CARD16: variants seen among roughly 807,000 people sequenced by gnomAD.
CARD16 encodes caspase recruitment domain-containing protein 16.
Under a neutral mutation model 11.9 loss-of-function variants are expected in CARD16, and 8 were observed. That is an observed-to-expected ratio of 0.67 (90% CI 0.39 to 1.21). The LOEUF (loss-of-function observed/expected upper bound fraction) is 1.21. Among genes scored for constraint, CARD16 ranks in the 50% most tolerant of loss-of-function variants. The pLI is 0.01. For synonymous variants in CARD16, 44 were observed against 43.8 expected, an observed-to-expected ratio of 1.00 and a Z score of -0.02; for missense variants, 131 against 118.1, an observed-to-expected ratio of 1.11 and a Z score of -0.51.
chr11:105,044,995 T>C (rs529678770), intron 1 of CARD16: 3 of 599,224 alleles, frequency 5.0e-6, no homozygotes, highest in Non-Finnish European at 8.8e-6. Flanking sequence ...CTGCTAGTAC[T>C]CCTCCTGTGC....
At chr11:105,042,359 A>G (rs1345831212) in intron 3 of CARD16, among the ~76,000 whole-genome samples, 3 of 152,210 alleles carry the variant, frequency 2.0e-5, no homozygotes, top group Non-Finnish European at 4.4e-5. Context: ...TTTCACGAAC[A>G]TATGAGGAAA....
chr11:105,042,220 C>T (rs1206727250), intron 3 of CARD16, among the ~76,000 whole-genome samples: 1 of 152,040 alleles, frequency 6.6e-6, no homozygotes, highest in Admixed American at 6.6e-5. Flanking sequence ...CCTTCAGCAT[C>T]TCCTCCTACA....
At chr11:105,044,093 C>G in intron 2 of CARD16, 1 of 483,542 alleles carries the variant, frequency 2.1e-6, no homozygotes, top group Non-Finnish European at 3.7e-6. Context: ...AAATATCGTG[C>G]CTTGCCAGGA....
chr11:105,041,564 A>T lies in CARD16; in HGVS notation c.*199T>A. The T allele has an allele frequency of 6.2e-7, 1 of 1,614,086 alleles. No homozygotes were observed. The highest frequency in any genetic ancestry group is 1.7e-4 in the Middle Eastern group (1 of 6,058). On this transcript the variant is annotated 3_prime_UTR_variant, in exon 4 of 4. Transcript: ENST00000673097. ...TGCATTTCAAAACTGCCTGAAGTAT[A>T]TCTTTCACTCCACTTTATTATTGTA...
Position 105,041,629 on chromosome 11 carries a change from CT to C in CARD16, c.*133del, listed in dbSNP as rs1565232387. 2 of 1,614,006 alleles carry C rather than the reference CT, an allele frequency of 1.2e-6. No individual in the cohort carries two copies. Among genetic ancestry groups the C allele is most frequent in the Non-Finnish European group, 1.7e-6 (2 of 1,179,944 alleles). ...CCTCTGCAACTTTTGTTTCCATATCCTTTGAGCGTCTTCTAGAAAGCAAAGC... is the reference window on the plus strand; with the variant it reads ...CCTCTGCAACTTTTGTTTCCATATCCTTGAGCGTCTTCTAGAAAGCAAAGC... On this transcript the variant is annotated 3_prime_UTR_variant, in exon 4 of 4. Coordinates refer to ENST00000673097, the MANE Select transcript of CARD16 (RefSeq NM_052889.4).
chr11:105,045,332 A>T lies in CARD16; in HGVS notation c.-35T>A. ...CTCCTACCCTTCTTGTGTGGGCTGA[A>T]ACTGAAAGTATGTTTCGCCTTCCTT... On this transcript the variant is annotated 5_prime_UTR_variant, in exon 1 of 4. Transcript: ENST00000673097. 1 of 1,613,942 alleles carries T rather than the reference A, an allele frequency of 6.2e-7. No homozygotes were observed. Among genetic ancestry groups the T allele is most frequent in the South Asian group, 1.1e-5 (1 of 91,084 alleles).
intron 1 of CARD16, chr11:105,045,075 AG>A: frequency 1.5e-6 from 1 of 663,422 alleles, no homozygotes; most frequent in Non-Finnish European, 2.6e-6. Context: ...AAATGACAGC[AG>A]GCTACCCCTA....
At chr11:105,043,415 C>A in intron 3 of CARD16, 68 bp downstream of exon 3, 1 of 1,088,940 alleles carries the variant, frequency 9.2e-7, no homozygotes, top group South Asian at 1.3e-5. Flanking sequence ...AAGCAGAGCT[C>A]ATTCCACTAA....
At chr11:105,043,844 A>C in intron 2 of CARD16, 1 of 335,098 alleles carries the variant, frequency 3.0e-6, no homozygotes. Flanking sequence ...TCTTACTCAA[A>C]AGAAAATGCA....
Position 105,043,509 on chromosome 11 carries a change from G to A in CARD16, c.*17C>T. On this transcript the variant is annotated 3_prime_UTR_variant, in exon 3 of 4. Transcript: ENST00000673097. ...TGGGAAGGAAGAAAATAGTAATTGG[G>A]AGTCTTGTGTACTAAGCTAATTTCC... The A allele has an allele frequency of 1.2e-6, 2 of 1,609,980 alleles. No individual in the cohort carries two copies. Among genetic ancestry groups the A allele is most frequent in the Non-Finnish European group, 8.5e-7 (1 of 1,177,146 alleles).
At chr11:105,043,461 C>G in intron 3 of CARD16, 22 bp downstream of exon 3, 1 of 1,554,884 alleles carries the variant, frequency 6.4e-7, no homozygotes, top group Non-Finnish European at 8.9e-7. Flanking sequence ...AAAGAATGCT[C>G]TTCATTGAAA....
chr11:105,041,779 C>A, intron 3 of CARD16, 60 bp from the exon 4 acceptor site: 1 of 1,494,878 alleles, frequency 6.7e-7, no homozygotes, highest in Non-Finnish European at 9.2e-7. Flanking sequence ...ATAGCCTCAC[C>A]TATGGAGGAA....
chr11:105,044,209 A>G, intron 2 of CARD16, 183 bp downstream of exon 2: 1 of 899,866 alleles, frequency 1.1e-6, no homozygotes, highest in Non-Finnish European at 1.7e-6. Context: ...AGAAGAGGGC[A>G]CTGAGGATGA....
In CARD16 at chr11:105,044,226, A is replaced by G. The variant is rs530492114; in HGVS notation, c.274+166T>C. 7.8e-4 allele frequency: 867 copies of G among 1,109,280 alleles called. 3 individuals carry two copies. Among genetic ancestry groups the G allele is most frequent in the Non-Finnish European group, 1.1e-3 (831 of 774,630 alleles). 68.7% of individuals were successfully genotyped at this position (1,109,280 alleles called of 1,614,324 possible). A position where few individuals can be genotyped will look rare whatever the true frequency, so the allele number is the denominator to read the frequency against. ...AAGAGGGCACTGAGGATGAAGGAAC[A>G]CAAAAAAGAGTCAAGGGACATGCAA... On this transcript the variant is annotated intron_variant, in intron 2 of 3. Coordinates refer to ENST00000673097, the MANE Select transcript of CARD16 (RefSeq NM_052889.4).
In CARD16 at chr11:105,044,481, A is replaced by G. The variant is rs139318583; in HGVS notation, c.185T>C (p.Ile62Thr). ...TTGGCATGCCTGTGCCCCTTTCGGA[A>G]TAACGGAGTCAATCAAAGCTCGGGT... ...DKTRALIDSV[I>T]PKGAQACQIC... Residue 62 changes from isoleucine to threonine, a missense_variant, in exon 2 of 4, where the codon ATT becomes ACT. Coordinates refer to ENST00000673097, the MANE Select transcript of CARD16 (RefSeq NM_052889.4). 4.2e-5 allele frequency: 67 copies of G among 1,614,020 alleles called. No homozygotes were observed. The highest frequency in any genetic ancestry group is 5.1e-5 in the Non-Finnish European group (60 of 1,180,006).
In CARD16 at chr11:105,041,571, A is replaced by G; in HGVS notation, c.*192T>C. On this transcript the variant is annotated 3_prime_UTR_variant, in exon 4 of 4. Transcript: ENST00000673097. Reference sequence around the variant, plus strand: ...CAAAACTGCCTGAAGTATATCTTTCACTCCACTTTATTATTGTATTCTGAA... The same window carrying G: ...CAAAACTGCCTGAAGTATATCTTTCGCTCCACTTTATTATTGTATTCTGAA... The G allele has an allele frequency of 6.2e-7, 1 of 1,613,974 alleles. No homozygotes were observed. Among genetic ancestry groups the G allele is most frequent in the Non-Finnish European group, 8.5e-7 (1 of 1,179,934 alleles).
intron 3 of CARD16, among the ~76,000 whole-genome samples, chr11:105,043,138 T>G (rs493426): frequency 0.24 from 36,174 of 151,914 alleles, 5,167 homozygotes; most frequent in African/African-American, 0.39. Context: ...CACAAAACTG[T>G]AAGAGAAGCA....
chr11:105,043,857 G>T, intron 2 of CARD16: 1 of 317,894 alleles, frequency 3.1e-6, no homozygotes, highest in Non-Finnish European at 5.8e-6. Flanking sequence ...AAAATGCATG[G>T]GGGCAACGGG....
Position 105,044,655 on chromosome 11 carries a change from TTGTC to T in CARD16, c.8-1_10del, listed in dbSNP as rs1348562728. On this transcript the variant is annotated splice_acceptor_variant and coding_sequence_variant, in exon 2 of 4. Coordinates refer to ENST00000673097, the MANE Select transcript of CARD16 (RefSeq NM_052889.4). LOFTEE classifies it high-confidence loss of function. ...CAGCTTTCTCTTCTCCTTCAGGACC[TTGTC>T]TGTTTGGAGCACAAGGATTTCTCAC... 4 of 1,613,866 alleles carry T rather than the reference TTGTC, an allele frequency of 2.5e-6. No homozygotes were observed. Among genetic ancestry groups the T allele is most frequent in the Non-Finnish European group, 3.4e-6 (4 of 1,179,862 alleles).
Sources: allele counts gnomAD v4.1 joint callset (sites outside exome capture counted in the v4.1 genomes callset), GRCh38; gene constraint gnomAD v4.1.1; transcripts MANE v1.5; gene names NCBI Gene and HGNC (gene_info 2026-07-23, HGNC 2026-07-21).